Variants in RPRD2 observed in about 807,000 individuals in gnomAD.
The protein encoded by RPRD2 is regulation of nuclear pre-mRNA domain-containing protein 2.
In RPRD2, 12 loss-of-function variants were observed where a neutral mutation model predicts 104.4. The observed-to-expected ratio is 0.11, with a 90% CI of 0.07 to 0.19. RPRD2 has a LOEUF of 0.19. Ranked by LOEUF, RPRD2 falls within the 10% of genes least tolerant of loss-of-function variation. The pLI, the probability that RPRD2 is intolerant of heterozygous loss-of-function variation, is 1.00. For missense variants in RPRD2, 1,543 were observed against 1,790.1 expected, an observed-to-expected ratio of 0.86 and a Z score of 2.49; for synonymous variants, 714 against 684.9, an observed-to-expected ratio of 1.04 and a Z score of -0.66.
intron 2 of RPRD2, among the ~76,000 whole-genome samples, chr1:150,430,786 G>A (rs186192973): frequency 3.9e-5 from 6 of 152,130 alleles, no homozygotes; most frequent in African/African-American, 7.2e-5. Context: ...AAAATTAGCC[G>A]GACCTGGTGG....
At chr1:150,448,856 T>A (rs1666973031) in intron 7 of RPRD2, among the ~76,000 whole-genome samples, 1 of 152,210 alleles carries the variant, frequency 6.6e-6, no homozygotes, top group Non-Finnish European at 1.5e-5. Flanking sequence ...AGTCCTCTAT[T>A]TTCCAGATTC....
chr1:150,377,336 C>G (rs1553879809), intron 1 of RPRD2, among the ~76,000 whole-genome samples: 1 of 152,104 alleles, frequency 6.6e-6, no homozygotes, highest in African/African-American at 2.4e-5. Flanking sequence ...CGCGGTGGCT[C>G]ACGCCTGTAA....
intron 1 of RPRD2, among the ~76,000 whole-genome samples, chr1:150,390,806 G>A (rs73017077): frequency 0.01 from 1,549 of 152,206 alleles, 22 homozygotes; most frequent in African/African-American, 0.035. Flanking sequence ...TGTGATTGAA[G>A]TCTTATAAGG....
At chr1:150,389,202 A>G (rs1032444934) in intron 1 of RPRD2, among the ~76,000 whole-genome samples, 5 of 151,970 alleles carry the variant, frequency 3.3e-5, no homozygotes, top group Non-Finnish European at 7.4e-5. Context: ...GGTATGCACC[A>G]CTACACCTGG....
chr1:150,382,486 G>A (rs1489336010), intron 1 of RPRD2, among the ~76,000 whole-genome samples: 1 of 151,904 alleles, frequency 6.6e-6, no homozygotes, highest in Non-Finnish European at 1.5e-5. Context: ...ATCCTCTTGA[G>A]TAGCTGGGAT....
At chr1:150,466,982 G>A (rs1316575614) in intron 10 of RPRD2, among the ~76,000 whole-genome samples, 1 of 152,146 alleles carries the variant, frequency 6.6e-6, no homozygotes, top group African/African-American at 2.4e-5. Context: ...GTAATGGTAG[G>A]GGTGCTACTG....
In RPRD2 at chr1:150,446,327, T is replaced by C; in HGVS notation, c.796T>C (p.Ser266Pro). ...AGATAAGCAGGTGAAAAACGGACCC[T>C]CATTAACAGAAGCACTGGAAAATGC... ...GLDKQVKNGP[S>P]LTEALENAGI... The change falls in exon 7 of 11, where the codon TCA becomes CCA. Residue 266 changes from serine to proline, a missense_variant. Ser to Pro is a moderately conservative substitution (Grantham distance 74). This residue lies in a region of RPRD2 where 572 missense variants were observed against 787.3 expected (regional missense o/e 0.73). Coordinates refer to ENST00000369068, the MANE Select transcript of RPRD2 (RefSeq NM_015203.5). 2 of 1,612,702 alleles carry C rather than the reference T, an allele frequency of 1.2e-6. No individual in the cohort carries two copies. The highest frequency in any genetic ancestry group is 1.3e-5 in the African/African-American group (1 of 74,952).
At chr1:150,374,625 T>G (rs1660564645) in intron 1 of RPRD2, among the ~76,000 whole-genome samples, 1 of 152,212 alleles carries the variant, frequency 6.6e-6, no homozygotes, top group Non-Finnish European at 1.5e-5. Flanking sequence ...ACCTAGCTGG[T>G]GTTCATTGCA....
intron 2 of RPRD2, among the ~76,000 whole-genome samples, chr1:150,427,689 C>T (rs968824171): frequency 5.3e-5 from 8 of 152,170 alleles, no homozygotes; most frequent in South Asian, 4.1e-4. Context: ...TTTCCAGCTA[C>T]TCAGGAGGCT....
chr1:150,457,997 A>G (rs587608574), intron 8 of RPRD2, among the ~76,000 whole-genome samples: 1 of 152,058 alleles, frequency 6.6e-6, no homozygotes, highest in South Asian at 2.1e-4. Flanking sequence ...CTTGAACCTG[A>G]GAGAGGGGTT....
chr1:150,419,098 C>T (rs939894619), intron 2 of RPRD2, among the ~76,000 whole-genome samples: 1 of 152,162 alleles, frequency 6.6e-6, no homozygotes, highest in African/African-American at 2.4e-5. Context: ...TCCCCACATT[C>T]GGGGAGAATT....
rs75778148 is a variant in RPRD2 at position 150,397,622 on chromosome 1, A to G, written c.206-19974A>G. On this transcript the variant is annotated intron_variant, in intron 1 of 10. Coordinates refer to ENST00000369068, the MANE Select transcript of RPRD2 (RefSeq NM_015203.5). ...ATGATGCAATTGTAGTAAAACATAC[A>G]TAGCAAAATTTTGTTTCTTTTTGTT... 3.5e-3 allele frequency among the ~76,000 whole-genome samples: 530 copies of G among 152,310 alleles called. 6 individuals carry two copies. Among genetic ancestry groups the G allele is most frequent in the African/African-American group, 0.012 (501 of 41,556 alleles).
chr1:150,425,283 A>G (rs1405097131), intron 2 of RPRD2, among the ~76,000 whole-genome samples: 1 of 152,192 alleles, frequency 6.6e-6, no homozygotes, highest in Non-Finnish European at 1.5e-5. Context: ...ATTATTATTA[A>G]CAAATTAATA....
intron 2 of RPRD2, among the ~76,000 whole-genome samples, chr1:150,426,348 G>T (rs1322220151): frequency 1.3e-5 from 2 of 152,132 alleles, no homozygotes; most frequent in South Asian, 2.1e-4. Context: ...TTGCAAGGTT[G>T]CCTGGGTTTA....
At position 150,446,324 on chromosome 1, in the gene RPRD2, C is replaced by T. The variant is rs199729186; in HGVS notation, c.793C>T (p.Pro265Ser). Reference sequence around the variant, plus strand: ...ATTAGATAAGCAGGTGAAAAACGGACCCTCATTAACAGAAGCACTGGAAAA... The same window carrying T: ...ATTAGATAAGCAGGTGAAAAACGGATCCTCATTAACAGAAGCACTGGAAAA... ...NGLDKQVKNG[P>S]SLTEALENAG... The change falls in exon 7 of 11, where the codon CCC becomes TCC. Residue 265 changes from proline to serine, a missense_variant. Transcript: ENST00000369068. 30 of 1,612,326 alleles carry T rather than the reference C, an allele frequency of 1.9e-5. No individual in the cohort carries two copies. In the African/African-American group the frequency reaches 3.2e-4, roughly 17 times the overall value.
At position 150,472,420 on chromosome 1, in the gene RPRD2, G is replaced by A. The variant is rs1668648564; in HGVS notation, c.3472G>A (p.Gly1158Ser). ...ATCCCTTGGGGGTGGGGGCAGCGGA[G>A]GCCTCACTGGCTTTAAAACAGCACC... Reference protein sequence around the residue: ...LASLGGGGSGGLTGFKTAPYK... With the variant: ...LASLGGGGSGSLTGFKTAPYK... The change falls in exon 11 of 11, where the codon GGC (glycine) becomes AGC (serine). Residue 1158 changes from glycine to serine, a missense_variant. Coordinates refer to ENST00000369068, the MANE Select transcript of RPRD2 (RefSeq NM_015203.5). 2 of 1,613,918 alleles carry A rather than the reference G, an allele frequency of 1.2e-6. No homozygotes were observed. The highest frequency in any genetic ancestry group is 1.7e-6 in the Non-Finnish European group (2 of 1,179,870).
intron 1 of RPRD2, among the ~76,000 whole-genome samples, chr1:150,414,313 C>T (rs1553888184): frequency 6.6e-6 from 1 of 152,142 alleles, no homozygotes; most frequent in Non-Finnish European, 1.5e-5. Context: ...GTTCTTCTAA[C>T]AATCCTGTAA....
intron 1 of RPRD2, among the ~76,000 whole-genome samples, chr1:150,376,794 C>T (rs1176314817): frequency 6.6e-6 from 1 of 151,492 alleles, no homozygotes; most frequent in African/African-American, 2.4e-5. Flanking sequence ...GCCACCGCGC[C>T]CGGCCGATAC....
At chr1:150,418,868 C>T (rs939758490) in intron 2 of RPRD2, among the ~76,000 whole-genome samples, 3 of 152,092 alleles carry the variant, frequency 2.0e-5, no homozygotes, top group Admixed American at 6.6e-5. Flanking sequence ...AAAAATTAGC[C>T]AGGCGTGGTG....
Sources: gnomAD v4.1 joint callset for allele counts (sites outside exome capture counted in the v4.1 genomes callset) on GRCh38, gnomAD v4.1.1 for gene constraint, gnomAD v4.1.1 regional missense constraint, MANE v1.5 for transcripts, NCBI Gene and HGNC (gene_info 2026-07-23, HGNC 2026-07-21) for gene names.